Variants in SLC15A5 observed in about 807,000 individuals in gnomAD.
SLC15A5 encodes Peptide/histidine transporter ENSP00000340402.
A neutral mutation model predicts 56.1 loss-of-function variants in SLC15A5; 58 were observed. The ratio of observed to expected loss-of-function variants is 1.03; its 90% CI spans 0.84 to 1.29. The LOEUF (loss-of-function observed/expected upper bound fraction) is 1.29. Among genes scored for constraint, SLC15A5 ranks in the 50% most tolerant of loss-of-function variants. SLC15A5 has a pLI of 0.00. For synonymous variants in SLC15A5, 264 were observed against 250.5 expected, an observed-to-expected ratio of 1.05 and a Z score of -0.51; for missense variants, 681 against 672.1, an observed-to-expected ratio of 1.01 and a Z score of -0.15.
intron 1 of SLC15A5, among the ~76,000 whole-genome samples, chr12:16,273,631 T>A (rs1409383782): frequency 1.3e-5 from 2 of 152,006 alleles, no homozygotes; most frequent in East Asian, 1.9e-4. Context: ...AATTTTTTTT[T>A]AAAGAAATAA....
chr12:16,189,494 C>T lies in SLC15A5; in HGVS notation c.*174G>A, dbSNP rs974611351. 2 of 460,738 alleles carry T rather than the reference C, an allele frequency of 4.3e-6. No individual in the cohort carries two copies. Among genetic ancestry groups the T allele is most frequent in the East Asian group, 3.6e-5 (1 of 27,686 alleles). The allele number at this position is 460,738 out of a possible 1,614,324, so 28.5% of individuals were successfully genotyped here. A position where few individuals can be genotyped will look rare whatever the true frequency, so the allele number is the denominator to read the frequency against. Reference sequence around the variant, plus strand: ...ATGCTATAACATGTTAATGCAAAAGCATGACAGTTTACTAGAAAATTCATA... The same window carrying T: ...ATGCTATAACATGTTAATGCAAAAGTATGACAGTTTACTAGAAAATTCATA... On this transcript the variant is annotated 3_prime_UTR_variant, in exon 9 of 9. Coordinates refer to ENST00000344941, the MANE Select transcript of SLC15A5 (RefSeq NM_001170798.1).
chr12:16,190,052 T>G (rs1863826173), intron 8 of SLC15A5, among the ~76,000 whole-genome samples: 1 of 152,180 alleles, frequency 6.6e-6, no homozygotes, highest in Non-Finnish European at 1.5e-5. Context: ...TTTAACAACC[T>G]GCTACGCTGT....
chr12:16,220,901 A>G (rs1864180800), intron 6 of SLC15A5, among the ~76,000 whole-genome samples: 1 of 152,174 alleles, frequency 6.6e-6, no homozygotes, highest in African/African-American at 2.4e-5. Flanking sequence ...TTTTTTGAAT[A>G]AACAAACATA....
intron 7 of SLC15A5, among the ~76,000 whole-genome samples, chr12:16,216,131 G>T (rs914019192): frequency 6.6e-6 from 1 of 152,110 alleles, no homozygotes; most frequent in Non-Finnish European, 1.5e-5. Context: ...TGAAAGTAGA[G>T]AATACACTTG....
At chr12:16,219,264 G>A (rs545882126) in intron 6 of SLC15A5, among the ~76,000 whole-genome samples, 33 of 152,218 alleles carry the variant, frequency 2.2e-4, no homozygotes, top group Non-Finnish European at 2.9e-4. Flanking sequence ...TTGGTGGCAC[G>A]GTAGCACAGC....
chr12:16,252,345 A>G (rs1168973374), intron 3 of SLC15A5, among the ~76,000 whole-genome samples: 2 of 152,080 alleles, frequency 1.3e-5, no homozygotes, highest in East Asian at 3.9e-4. Context: ...AAAGCATACA[A>G]ATCAGAATAG....
chr12:16,189,517 ATAAT>A lies in SLC15A5; in HGVS notation c.*147_*150del. The A allele has an allele frequency of 1.8e-6, 1 of 561,948 alleles. No individual in the cohort carries two copies. The highest frequency in any genetic ancestry group is 2.7e-6 in the Non-Finnish European group (1 of 374,132). 34.8% of individuals were successfully genotyped at this position (561,948 alleles called of 1,614,324 possible). ...AGCATGACAGTTTACTAGAAAATTC[ATAAT>A]TAGTCTTTGTAAATAAAGTATACAG... On this transcript the variant is annotated 3_prime_UTR_variant, in exon 9 of 9. Transcript: ENST00000344941.
chr12:16,239,988 A>T, intron 4 of SLC15A5, 121 bp from the exon 5 acceptor site: 1 of 866,964 alleles, frequency 1.2e-6, no homozygotes, highest in East Asian at 2.7e-5. Flanking sequence ...GATGTTGCCT[A>T]GTTTTTCAAG....
At chr12:16,193,748 A>C (rs1592105104) in intron 8 of SLC15A5, among the ~76,000 whole-genome samples, 1 of 142,916 alleles carries the variant, frequency 7.0e-6, no homozygotes, top group Admixed American at 7.1e-5. Context: ...AATTTTCTCA[A>C]AAGTACACAG....
At chr12:16,234,060 C>T (rs1485551355) in intron 5 of SLC15A5, among the ~76,000 whole-genome samples, 1 of 152,148 alleles carries the variant, frequency 6.6e-6, no homozygotes, top group Non-Finnish European at 1.5e-5. Context: ...TCTCACAGTT[C>T]TAAAAGCTGG....
chr12:16,246,829 A>G (rs1864466532), intron 3 of SLC15A5, among the ~76,000 whole-genome samples: 1 of 152,134 alleles, frequency 6.6e-6, no homozygotes, highest in Non-Finnish European at 1.5e-5. Context: ...ATCTTATTAA[A>G]TTATTAAATA....
chr12:16,190,058 G>T (rs184943510), intron 8 of SLC15A5, among the ~76,000 whole-genome samples: 2 of 152,158 alleles, frequency 1.3e-5, no homozygotes, highest in African/African-American at 4.8e-5. Flanking sequence ...AACCTGCTAC[G>T]CTGTCTTCAG....
intron 3 of SLC15A5, among the ~76,000 whole-genome samples, chr12:16,249,286 A>G (rs977194278): frequency 6.6e-6 from 1 of 152,104 alleles, no homozygotes; most frequent in Non-Finnish European, 1.5e-5. Context: ...CATATAAAAA[A>G]TCATTTCTTT....
At chr12:16,217,433 A>G (rs910677283) in intron 6 of SLC15A5, among the ~76,000 whole-genome samples, 2 of 152,134 alleles carry the variant, frequency 1.3e-5, no homozygotes, top group African/African-American at 4.8e-5. Context: ...TATTATATAA[A>G]ATTTGCATCA....
intron 7 of SLC15A5, among the ~76,000 whole-genome samples, chr12:16,214,777 T>G (rs2136245511): frequency 6.6e-6 from 1 of 152,276 alleles, no homozygotes; most frequent in Admixed American, 6.5e-5. Flanking sequence ...TATTGTACTT[T>G]TCTAAGTTCT....
chr12:16,193,081 G>A (rs532501556), intron 8 of SLC15A5, among the ~76,000 whole-genome samples: 7 of 152,054 alleles, frequency 4.6e-5, no homozygotes, highest in Non-Finnish European at 1.0e-4. Context: ...ATTGCTGGGT[G>A]AGCACCACTT....
At chr12:16,274,679 C>T (rs1434177960) in intron 1 of SLC15A5, among the ~76,000 whole-genome samples, 3 of 152,048 alleles carry the variant, frequency 2.0e-5, no homozygotes, top group Non-Finnish European at 4.4e-5. Flanking sequence ...ACCACTTAGT[C>T]TTCTCTTCTG....
rs545690904 is a variant in SLC15A5, at chr12:16,230,627, G to A, written c.1163-6025C>T. Among the ~76,000 whole-genome samples the A allele has an allele frequency of 1.6e-4, 24 of 152,030 alleles. 1 individual carries two copies. In the South Asian group the frequency reaches 4.8e-3, roughly 30 times the overall value. On this transcript the variant is annotated intron_variant, in intron 5 of 8. Coordinates refer to ENST00000344941, the MANE Select transcript of SLC15A5 (RefSeq NM_001170798.1). The stretch of plus-strand genomic sequence containing the variant: ...TTTTTATTTTTTAATTCTTAAAAAA[G>A]ACAAGGCCGGGCGCGGTGGCTCACG...
chr12:16,269,320 G>A lies in SLC15A5; in HGVS notation c.584+3241C>T, dbSNP rs549457983. Among the ~76,000 whole-genome samples, 246 of 152,258 alleles carry A rather than the reference G, an allele frequency of 1.6e-3. 2 individuals carry two copies. Among genetic ancestry groups the A allele is most frequent in the African/African-American group, 5.6e-3 (234 of 41,550 alleles). ...TGATAATTAAAATGAGCAACACTGC[G>A]TTGGAACAGTGGTTCTCAACTCTAA... On this transcript the variant is annotated intron_variant, in intron 2 of 8. Transcript: ENST00000344941. This position sits in a 1 kb window ranked among gnomAD's most constrained non-coding sequence, Gnocchi z 4.7.
Sources: gnomAD v4.1 joint callset for allele counts (sites outside exome capture counted in the v4.1 genomes callset) on GRCh38, gnomAD v4.1.1 for gene constraint, Gnocchi (gnomAD v3.1) non-coding constraint, MANE v1.5 for transcripts, NCBI Gene and HGNC (gene_info 2026-07-23, HGNC 2026-07-21) for gene names.